Variants in MMP8 observed in about 807,000 individuals in gnomAD.
MMP8 encodes the protein matrix metallopeptidase 8.
In MMP8, 67 loss-of-function variants were observed where a neutral mutation model predicts 51.2. The ratio of observed to expected loss-of-function variants is 1.31; its 90% CI spans 1.08 to 1.60. The LOEUF is 1.60. Ranked by LOEUF, MMP8 falls within the 40% of genes most tolerant of loss-of-function variation. MMP8 has a pLI of 0.00. For missense variants in MMP8, 654 were observed against 558.1 expected, an observed-to-expected ratio of 1.17 and a Z score of -1.73; for synonymous variants, 225 against 191.0, an observed-to-expected ratio of 1.18 and a Z score of -1.47.
intron 4 of MMP8, 53 bp from the exon 5 acceptor site, chr11:102,718,628 GA>G: frequency 6.2e-7 from 1 of 1,604,650 alleles, no homozygotes; most frequent in South Asian, 1.1e-5. Flanking sequence ...CAGGGTGGCA[GA>G]AACATGATCT....
Position 102,724,657 on chromosome 11 carries a change from AT to A in MMP8, c.102+96del, listed in dbSNP as rs893266236. ...CAATCTCAAACTAATCACCCAAATA[AT>A]TTCTTTCAGGCTGTTTTAATTAACA... On this transcript the variant is annotated intron_variant, in intron 1 of 9. Transcript: ENST00000236826. The A allele has an allele frequency of 1.1e-5, 12 of 1,120,032 alleles. No individual in the cohort carries two copies. In the African/African-American group the frequency reaches 1.9e-4, roughly 18 times the overall value. 69.4% of individuals were successfully genotyped at this position (1,120,032 alleles called of 1,614,324 possible). A position where few individuals can be genotyped will look rare whatever the true frequency, so the allele number is the denominator to read the frequency against.
rs952423326 is a variant in MMP8 at position 102,713,205 on chromosome 11, G to A, written c.*143C>T. On this transcript the variant is annotated 3_prime_UTR_variant, in exon 10 of 10. Transcript: ENST00000236826. ...TGGAATATTCCAAACATATTTTCAC[G>A]GAGGACAGGTAGAATGGATACAGTG... 3.5e-5 allele frequency: 21 copies of A among 600,006 alleles called. No individual in the cohort carries two copies. Among genetic ancestry groups the A allele is most frequent in the South Asian group, 1.3e-4 (6 of 47,970 alleles). 37.2% of individuals were successfully genotyped at this position (600,006 alleles called of 1,614,324 possible). A position where few individuals can be genotyped will look rare whatever the true frequency, so the allele number is the denominator to read the frequency against.
In MMP8 at chr11:102,724,760, A is replaced by C. The variant is rs754610969; in HGVS notation, c.96T>G (p.Thr32=). Residue 32 remains threonine, a synonymous_variant, in exon 1 of 10, where the codon ACT becomes ACG. Coordinates refer to ENST00000236826, the MANE Select transcript of MMP8 (RefSeq NM_002424.3). ...PVSSKEKNTK[T]VQDYLEKFYQ... ...TAACTGATAGTTCATTTACCTGAAC[A>C]GTTTTTGTATTTTTCTCTTTAGAAG... The C allele has an allele frequency of 5.6e-6, 9 of 1,593,398 alleles. No individual in the cohort carries two copies. Among genetic ancestry groups the C allele is most frequent in the Non-Finnish European group, 7.7e-6 (9 of 1,167,818 alleles).
chr11:102,716,372 G>A lies in MMP8; in HGVS notation c.832C>T (p.Pro278Ser). 6.4e-7 allele frequency: 1 copy of A among 1,562,198 alleles called. No homozygotes were observed. ...TCAAATGTCAAACTGGGGTCACAGG[G>A]TTTGGGTGTGCTTGGTCCAGTAGGT... The part of the protein sequence containing the change: ...IQPTGPSTPK[P>S]CDPSLTFDAI... The change falls in exon 6 of 10, where the codon CCC becomes TCC. Residue 278 changes from proline (P) to serine (S), a missense_variant. Transcript: ENST00000236826.
At position 102,714,557 on chromosome 11, in the gene MMP8, T is replaced by C; in HGVS notation, c.1189A>G (p.Arg397Gly). The C allele has an allele frequency of 6.9e-7, 1 of 1,459,542 alleles. No individual in the cohort carries two copies. Among genetic ancestry groups the C allele is most frequent in the Non-Finnish European group, 9.1e-7 (1 of 1,100,906 alleles). 90.4% of individuals were successfully genotyped at this position (1,459,542 alleles called of 1,614,324 possible). ...AATTGAAAAAATAGTTTACGTTACC[T>C]CCAGAATTGGTCATTTACAAAGAAG... is the stretch of plus-strand genomic sequence containing the variant. ...TYFFVNDQFW[R>G]YDNQRQFMEP... The change falls in exon 8 of 10, where the codon AGA (arginine) becomes GGA (glycine). Residue 397 changes from arginine to glycine, a missense_variant and splice_region_variant. By Grantham distance (125) the Arg-to-Gly change is moderately radical. Transcript: ENST00000236826.
intron 6 of MMP8, among the ~76,000 whole-genome samples, chr11:102,715,863 A>C (rs1367031543): frequency 6.6e-6 from 1 of 152,250 alleles, no homozygotes; most frequent in Non-Finnish European, 1.5e-5. Context: ...GATTTGCTGC[A>C]CAGCTAGCTA....
At chr11:102,715,565 C>T (rs1861267635) in intron 6 of MMP8, 128 bp from the exon 7 acceptor site, 1 of 1,263,896 alleles carries the variant, frequency 7.9e-7, no homozygotes, top group Non-Finnish European at 1.1e-6. Flanking sequence ...CGAACGAATG[C>T]AAAGTTCCTA....
rs753813342 is a variant in MMP8, at chr11:102,722,631, G to A, written c.145C>T (p.Gln49Ter). 9 of 1,613,802 alleles carry A rather than the reference G, an allele frequency of 5.6e-6. No individual in the cohort carries two copies. The highest frequency in any genetic ancestry group is 5.5e-5 in the South Asian group (5 of 91,054). Residue 49 changes from glutamine to a stop codon, truncating the protein, a stop_gained, in exon 2 of 10, where the codon CAG (glutamine) becomes TAG (stop). Coordinates refer to ENST00000236826, the MANE Select transcript of MMP8 (RefSeq NM_002424.3). LOFTEE classifies it high-confidence loss of function. ...TTAGTGCCATTCTTCCTTGTAGACT[G>A]ATACTGGTTGCTTGGTAATTGGTAG... ...KFYQLPSNQYQSTRKNGTNVI... is the reference protein window; with the variant it reads ...KFYQLPSNQY
At chr11:102,715,850 G>C (rs1394662470) in intron 6 of MMP8, among the ~76,000 whole-genome samples, 2 of 152,212 alleles carry the variant, frequency 1.3e-5, no homozygotes, top group Non-Finnish European at 2.9e-5. Flanking sequence ...CGCTCAGTTT[G>C]ATGATTTGCT....
chr11:102,724,340 A>T (rs1180786677), intron 1 of MMP8, among the ~76,000 whole-genome samples: 4 of 152,076 alleles, frequency 2.6e-5, no homozygotes, highest in Non-Finnish European at 5.9e-5. Flanking sequence ...TCCTCACATT[A>T]TTTTCTATAT....
rs778469781 is a variant in MMP8, at chr11:102,713,312, A to T, written c.*36T>A. On this transcript the variant is annotated 3_prime_UTR_variant, in exon 10 of 10. Coordinates refer to ENST00000236826, the MANE Select transcript of MMP8 (RefSeq NM_002424.3). ...AATGCTTGCTGAACTTCCCTTCAAC[A>T]TTCTGAAAGTGGATACAGCCACATT... 2.1e-6 allele frequency: 3 copies of T among 1,443,344 alleles called. No individual in the cohort carries two copies. In the African/African-American group the frequency reaches 4.2e-5, roughly 20 times the overall value. The allele number at this position is 1,443,344 out of a possible 1,614,324, so 89.4% of individuals were successfully genotyped here.
chr11:102,716,466 A>G (rs2134300083), intron 5 of MMP8, 47 bp from the exon 6 acceptor site: 2 of 1,251,122 alleles, frequency 1.6e-6, no homozygotes, highest in Non-Finnish European at 2.2e-6. Context: ...TTATGAGAGT[A>G]AGTCCGGTGT....
rs773923958 is a variant in MMP8, at chr11:102,722,601, T to C, written c.175A>G (p.Ile59Val). ...QSTRKNGTNVIVEKLKEMQRF... is the reference protein window; with the variant it reads ...QSTRKNGTNVVVEKLKEMQRF... ...TGCATTTCTTTAAGCTTTTCAACGA[T>C]CACATTAGTGCCATTCTTCCTTGTA... is the stretch of plus-strand genomic sequence containing the variant. Residue 59 changes from isoleucine to valine, a missense_variant, in exon 2 of 10, where the codon ATC (isoleucine) becomes GTC (valine). Coordinates refer to ENST00000236826, the MANE Select transcript of MMP8 (RefSeq NM_002424.3). The C allele has an allele frequency of 6.2e-7, 1 of 1,613,946 alleles. No homozygotes were observed. Among genetic ancestry groups the C allele is most frequent in the Non-Finnish European group, 8.5e-7 (1 of 1,179,862 alleles).
rs745693992 is a variant in MMP8, at chr11:102,713,738, T to TC, written c.1294+15_1294+16insG. ...AAACAAACAACACATTTATTAGGTT[T>TC]TTTTTTCCTACTTACGTTCTTGCTG... is the stretch of plus-strand genomic sequence containing the variant. On this transcript the variant is annotated intron_variant, in intron 9 of 9. Transcript: ENST00000236826. 1 of 1,579,342 alleles carries TC rather than the reference T, an allele frequency of 6.3e-7. No homozygotes were observed.
chr11:102,714,506 G>A (rs763787478), intron 8 of MMP8, 50 bp downstream of exon 8: 1 of 1,274,864 alleles, frequency 7.8e-7, no homozygotes, highest in Admixed American at 3.0e-5. Context: ...TGTAAGCAGG[G>A]TAGAGAAACA....
intron 2 of MMP8, 80 bp from the exon 3 acceptor site, chr11:102,721,842 A>G (rs1861483244): frequency 1.3e-6 from 2 of 1,510,976 alleles, no homozygotes; most frequent in Admixed American, 1.8e-5. Flanking sequence ...TTCTGTTTTG[A>G]AGTGAGTTGC....
chr11:102,719,224 C>T (rs1273882735), intron 4 of MMP8, among the ~76,000 whole-genome samples: 2 of 152,180 alleles, frequency 1.3e-5, no homozygotes, highest in African/African-American at 4.8e-5. Context: ...TTCCCAGGAT[C>T]TCACTTCCTA....
intron 9 of MMP8, 116 bp downstream of exon 9, chr11:102,713,638 G>T: frequency 9.5e-7 from 1 of 1,054,908 alleles, no homozygotes; most frequent in Non-Finnish European, 1.4e-6. Flanking sequence ...GGCTGAGGTG[G>T]GAGGATTGCT....
intron 5 of MMP8, 114 bp from the exon 6 acceptor site, chr11:102,716,533 A>G: frequency 1.8e-6 from 1 of 562,094 alleles, no homozygotes; most frequent in Admixed American, 3.3e-5. Flanking sequence ...ATGTGAAGGT[A>G]AGTGCTACCA....
Sources: gnomAD v4.1 joint callset for allele counts (sites outside exome capture counted in the v4.1 genomes callset) on GRCh38, gnomAD v4.1.1 for gene constraint, MANE v1.5 for transcripts, NCBI Gene and HGNC (gene_info 2026-07-23, HGNC 2026-07-21) for gene names.